The following KIAA1328 variants were observed in gnomAD, a reference collection of about 807,000 sequenced individuals.
The protein encoded by KIAA1328 is protein hinderin.
Under a neutral mutation model 68.1 loss-of-function variants are expected in KIAA1328, and 52 were observed. The observed-to-expected ratio is 0.76, with a 90% CI of 0.61 to 0.96. The LOEUF (loss-of-function observed/expected upper bound fraction) is 0.96, where lower values mean the gene tolerates loss of function less well. Among genes scored for constraint, KIAA1328 ranks in the 40% least tolerant of loss-of-function variants. The pLI is 0.00. For synonymous variants in KIAA1328, 232 were observed against 239.4 expected, an observed-to-expected ratio of 0.97 and a Z score of 0.28; for missense variants, 641 against 677.6, an observed-to-expected ratio of 0.95 and a Z score of 0.60.
intron 5 of KIAA1328, among the ~76,000 whole-genome samples, chr18:36,945,686 T>A (rs867410592): frequency 6.6e-6 from 1 of 152,318 alleles, no homozygotes; most frequent in Non-Finnish European, 1.5e-5. Flanking sequence ...CCCAAGGCCA[T>A]AGCTAATGGT....
chr18:36,853,639 A>G (rs2047288213), intron 4 of KIAA1328, among the ~76,000 whole-genome samples: 1 of 151,674 alleles, frequency 6.6e-6, no homozygotes, highest in Admixed American at 6.6e-5. Context: ...ATTTTTATAC[A>G]CTGTGTGCTT....
At chr18:36,973,477 A>G (rs2052324478) in intron 6 of KIAA1328, among the ~76,000 whole-genome samples, 1 of 152,094 alleles carries the variant, frequency 6.6e-6, no homozygotes, top group South Asian at 2.1e-4. Flanking sequence ...GTAAAATAAT[A>G]ATAATAAAAA....
At chr18:36,844,646 T>G (rs1415016933) in intron 4 of KIAA1328, among the ~76,000 whole-genome samples, 2 of 152,070 alleles carry the variant, frequency 1.3e-5, no homozygotes, top group South Asian at 2.1e-4. Context: ...CTTTGATTTT[T>G]CCTTCAGCAT....
intron 7 of KIAA1328, among the ~76,000 whole-genome samples, chr18:37,121,218 C>T (rs1242658660): frequency 6.6e-6 from 1 of 152,014 alleles, no homozygotes; most frequent in Non-Finnish European, 1.5e-5. Flanking sequence ...ATCTGGTGAG[C>T]ATTATGTATA....
intron 5 of KIAA1328, among the ~76,000 whole-genome samples, chr18:36,891,821 C>G (rs1005628611): frequency 6.6e-6 from 1 of 152,106 alleles, no homozygotes; most frequent in African/African-American, 2.4e-5. Context: ...TGGGTGGATA[C>G]CCAGTAGTGG....
At chr18:36,913,370 AT>A (rs150001166) in intron 5 of KIAA1328, among the ~76,000 whole-genome samples, 4 of 149,594 alleles carry the variant, frequency 2.7e-5, no homozygotes, top group African/African-American at 9.8e-5. Context: ...AAAAAAAAAA[AT>A]TTTTTAAGAA....
chr18:37,206,253 T>C (rs1213521290), intron 9 of KIAA1328, among the ~76,000 whole-genome samples: 1 of 152,144 alleles, frequency 6.6e-6, no homozygotes, highest in East Asian at 1.9e-4. Flanking sequence ...CACTCATACA[T>C]TGAGTAGATA....
At chr18:37,141,098 A>G (rs528561059) in intron 7 of KIAA1328, among the ~76,000 whole-genome samples, 1 of 152,274 alleles carries the variant, frequency 6.6e-6, no homozygotes. Flanking sequence ...AATCAACTTT[A>G]CTTAAATATA....
chr18:37,199,621 T>C (rs529634797), intron 9 of KIAA1328, among the ~76,000 whole-genome samples: 3 of 152,318 alleles, frequency 2.0e-5, no homozygotes, highest in Admixed American at 6.5e-5. Flanking sequence ...AGTAATGGCA[T>C]TGCTGGGTCA....
rs548970560 is a variant in KIAA1328 at position 36,953,550 on chromosome 18, T to G, written c.449-5758T>G. The stretch of plus-strand genomic sequence containing the variant: ...ATTTTATAAAAATTTATTTGCTTAT[T>G]TTTCTGAGTGTCACGGGAAATGCCA... On this transcript the variant is annotated intron_variant, in intron 5 of 9. Coordinates refer to ENST00000280020, the MANE Select transcript of KIAA1328 (RefSeq NM_020776.3). Among the ~76,000 whole-genome samples the G allele has an allele frequency of 3.3e-5, 5 of 151,934 alleles. No individual in the cohort carries two copies. In the East Asian group the frequency reaches 9.7e-4, roughly 29 times the overall value.
At chr18:36,971,078 G>A (rs1324991585) in intron 6 of KIAA1328, among the ~76,000 whole-genome samples, 1 of 152,168 alleles carries the variant, frequency 6.6e-6, no homozygotes, top group Non-Finnish European at 1.5e-5. Flanking sequence ...AACCAAAACA[G>A]CATGGTACTG....
At chr18:37,031,994 C>G (rs928372929) in intron 6 of KIAA1328, among the ~76,000 whole-genome samples, 3 of 151,902 alleles carry the variant, frequency 2.0e-5, no homozygotes, top group Non-Finnish European at 4.4e-5. Flanking sequence ...TGGTGAAACC[C>G]CATCTCTACA....
chr18:37,182,805 T>C (rs2059722832), intron 9 of KIAA1328, among the ~76,000 whole-genome samples: 1 of 152,206 alleles, frequency 6.6e-6, no homozygotes, highest in Admixed American at 6.5e-5. Flanking sequence ...ATAAATTTGC[T>C]CATAGGATTA....
At chr18:37,047,049 T>A (rs776076898) in intron 6 of KIAA1328, among the ~76,000 whole-genome samples, 1 of 152,140 alleles carries the variant, frequency 6.6e-6, no homozygotes, top group Non-Finnish European at 1.5e-5. Flanking sequence ...GGAGAAACAC[T>A]TGAACCGAAA....
intron 7 of KIAA1328, among the ~76,000 whole-genome samples, chr18:37,129,313 A>G (rs1007091471): frequency 6.6e-6 from 1 of 152,168 alleles, no homozygotes; most frequent in African/African-American, 2.4e-5. Context: ...GGAAAAAAAA[A>G]CCACGTGAAA....
chr18:37,085,685 A>G (rs1041217089), intron 7 of KIAA1328, among the ~76,000 whole-genome samples: 4 of 152,184 alleles, frequency 2.6e-5, no homozygotes, highest in African/African-American at 7.2e-5. Flanking sequence ...TTATGTAGTC[A>G]TTAAGTATTG....
At chr18:37,194,416 T>G (rs2059964936) in intron 9 of KIAA1328, among the ~76,000 whole-genome samples, 1 of 152,218 alleles carries the variant, frequency 6.6e-6, no homozygotes. Context: ...CTGTTATTAG[T>G]CTTTTTCTTT....
rs1243855458 is a variant in KIAA1328 at position 36,907,098 on chromosome 18, C to T, written c.448+21426C>T. On this transcript the variant is annotated intron_variant, in intron 5 of 9. Transcript: ENST00000280020. ...GATTTCAGACCCCAAATTTTCATTCCTGGTATAAAGGAATAAAGTTGACTT... is the reference window on the plus strand; with the variant it reads ...GATTTCAGACCCCAAATTTTCATTCTTGGTATAAAGGAATAAAGTTGACTT... Among the ~76,000 whole-genome samples the T allele has an allele frequency of 2.0e-5, 3 of 151,980 alleles. No individual in the cohort carries two copies. The East Asian group carries it at 5.8e-4, about 29-fold the overall frequency.
chr18:36,908,036 A>G (rs1032287430), intron 5 of KIAA1328, among the ~76,000 whole-genome samples: 2 of 152,138 alleles, frequency 1.3e-5, no homozygotes, highest in Non-Finnish European at 1.5e-5. Flanking sequence ...TTAAAATTTT[A>G]TCATTGTCTT....
Sources: allele counts gnomAD v4.1 joint callset (sites outside exome capture counted in the v4.1 genomes callset), GRCh38; gene constraint gnomAD v4.1.1; transcripts MANE v1.5; gene names NCBI Gene and HGNC (gene_info 2026-07-23, HGNC 2026-07-21).